The following ANK2 variants were observed in gnomAD, a reference collection of about 807,000 sequenced individuals.
ANK2 encodes the protein ankyrin-2.
A neutral mutation model predicts 360.5 loss-of-function variants in ANK2; 83 were observed. That is an observed-to-expected ratio of 0.23 (90% confidence interval 0.19 to 0.28). ANK2 has a LOEUF of 0.28. Ranked by LOEUF, ANK2 falls within the 10% of genes least tolerant of loss-of-function variation. The pLI, the probability that ANK2 is intolerant of heterozygous loss-of-function variation, is 1.00. For missense variants in ANK2, 4,201 were observed against 4,795.7 expected, an observed-to-expected ratio of 0.88 and a Z score of 3.66; for synonymous variants, 1,740 against 1,759.5, an observed-to-expected ratio of 0.99 and a Z score of 0.28.
Position 113,287,635 on chromosome 4 carries a change from C to G in ANK2, c.2110C>G (p.Gln704Glu), listed in dbSNP as rs139197937. 37 of 1,613,224 alleles carry G rather than the reference C, an allele frequency of 2.3e-5. No individual in the cohort carries two copies. The African/African-American group carries it at 4.8e-4, about 21-fold the overall frequency. ...ACTCACATCCTTACACCTTGCAGCC[C>G]AGGAAGATAAAGTGAATGTTGCTGA... Reference protein sequence around the residue: ...SGLTSLHLAAQEDKVNVADIL... With the variant: ...SGLTSLHLAAEEDKVNVADIL... Residue 704 changes from glutamine to glutamate, a missense_variant, in exon 19 of 46, where the codon CAG (glutamine) becomes GAG (glutamate). Physicochemically the swap from Gln to Glu is conservative, Grantham distance 29. Around this residue, in one of 4 missense-constraint regions of ANK2, gnomAD observed 1,268 missense variants for 1,650.8 expected, o/e 0.77. Coordinates refer to ENST00000357077, the MANE Select transcript of ANK2 (RefSeq NM_001148.6).
chr4:113,181,794 C>A (rs906421466), intron 2 of ANK2, among the ~76,000 whole-genome samples: 5 of 152,056 alleles, frequency 3.3e-5, no homozygotes, highest in African/African-American at 1.2e-4. Context: ...AGGAAGCAAG[C>A]CTGCCTGGAG....
At chr4:113,252,994 G>A (rs980184244) in intron 10 of ANK2, among the ~76,000 whole-genome samples, 1 of 152,092 alleles carries the variant, frequency 6.6e-6, no homozygotes, top group Non-Finnish European at 1.5e-5. Context: ...AACTTATGTA[G>A]ACTTCTTTCC....
the ANK2 span, among the ~76,000 whole-genome samples, chr4:112,740,956 C>T: frequency 3.3e-5 from 5 of 151,916 alleles, no homozygotes; most frequent in East Asian, 7.8e-4. Context: ...CATCACTGCA[C>T]TCCAGCCTGG....
At chr4:113,019,542 A>G (rs1400610925) in intron 2 of ANK2, among the ~76,000 whole-genome samples, 1 of 152,220 alleles carries the variant, frequency 6.6e-6, no homozygotes, top group Admixed American at 6.5e-5. Context: ...TAGTTTTTAG[A>G]TATTTTTGAA....
At chr4:112,930,124 T>C (rs2093024562) in intron 2 of ANK2, among the ~76,000 whole-genome samples, 1 of 152,118 alleles carries the variant, frequency 6.6e-6, no homozygotes, top group South Asian at 2.1e-4. Flanking sequence ...TCCCTTTTTT[T>C]TTTTAACAGC....
chr4:113,127,421 G>T lies in ANK2; in HGVS notation c.85-46995G>T, dbSNP rs113046465. On this transcript the variant is annotated intron_variant, in intron 1 of 45. Coordinates refer to ENST00000357077, the MANE Select transcript of ANK2 (RefSeq NM_001148.6). ...ATGGCAATGGAAAAATTAGAGTACA[G>T]AGCTAGATTAGGTATCATAACTTTT... Among the ~76,000 whole-genome samples, 79 of 151,718 alleles carry T rather than the reference G, an allele frequency of 5.2e-4. 1 individual carries two copies. The highest frequency in any genetic ancestry group is 1.8e-3 in the African/African-American group (73 of 41,416).
chr4:113,288,107 G>A (rs188806730), intron 19 of ANK2, among the ~76,000 whole-genome samples: 3 of 152,206 alleles, frequency 2.0e-5, no homozygotes. Flanking sequence ...CATGTTTCCT[G>A]CATCTCCTAT....
At chr4:113,297,437 A>G (rs1032210512) in intron 22 of ANK2, among the ~76,000 whole-genome samples, 1 of 152,182 alleles carries the variant, frequency 6.6e-6, no homozygotes, top group East Asian at 1.9e-4. Context: ...TTTAAAAAGA[A>G]ATGATAAATG....
At chr4:113,097,417 G>A (rs1176968217) in intron 1 of ANK2, among the ~76,000 whole-genome samples, 5 of 151,976 alleles carry the variant, frequency 3.3e-5, no homozygotes, top group Admixed American at 1.3e-4. Context: ...ATTTGGCTGC[G>A]TTGAGCTATT....
At chr4:112,754,494 G>C in the ANK2 span, among the ~76,000 whole-genome samples, 1 of 132,330 alleles carries the variant, frequency 7.6e-6, no homozygotes, top group South Asian at 2.6e-4. Context: ...TTTGTTGTTT[G>C]TATTGTTATG....
intron 4 of ANK2, among the ~76,000 whole-genome samples, chr4:113,204,006 C>CA (rs1038651815): frequency 2.0e-5 from 3 of 151,874 alleles, no homozygotes; most frequent in African/African-American, 4.8e-5. Context: ...GCAAAATGTT[C>CA]AAAAAATGAA....
At chr4:112,730,679 G>T in the ANK2 span, among the ~76,000 whole-genome samples, 1 of 142,670 alleles carries the variant, frequency 7.0e-6, no homozygotes, top group African/African-American at 2.6e-5. Context: ...AAAATTACTA[G>T]AAAAGTAGAT....
At chr4:113,294,551 A>G (rs2069942566) in intron 22 of ANK2, among the ~76,000 whole-genome samples, 1 of 152,190 alleles carries the variant, frequency 6.6e-6, no homozygotes, top group African/African-American at 2.4e-5. Context: ...AAAAGAAAGG[A>G]ATTTTGTTCT....
chr4:113,241,402 A>G (rs1042186971), intron 8 of ANK2, among the ~76,000 whole-genome samples: 1 of 152,172 alleles, frequency 6.6e-6, no homozygotes, highest in African/African-American at 2.4e-5. Context: ...CAGGGGCATG[A>G]TCATGGCTCA....
At chr4:112,706,925 TC>T in the ANK2 span, 1 of 152,224 alleles carries the variant, frequency 6.6e-6, no homozygotes, top group Non-Finnish European at 1.5e-5. Flanking sequence ...AAGGGAGTAC[TC>T]CATCTGGTTG....
At chr4:113,374,952 G>C in intron 45 of ANK2, 2 of 1,124,808 alleles carry the variant, frequency 1.8e-6, no homozygotes, top group Non-Finnish European at 2.2e-6. Flanking sequence ...AAGAGGTATA[G>C]AAGCATCATC....
intron 14 of ANK2, among the ~76,000 whole-genome samples, 169 bp from the exon 15 acceptor site, chr4:113,274,283 C>T (rs2059491266): frequency 6.6e-6 from 1 of 152,196 alleles, no homozygotes; most frequent in Non-Finnish European, 1.5e-5. Flanking sequence ...CCAACAGGGT[C>T]ACTGCTGTAG....
At chr4:113,009,439 C>T (rs2053997420) in intron 2 of ANK2, among the ~76,000 whole-genome samples, 2 of 152,100 alleles carry the variant, frequency 1.3e-5, no homozygotes, top group Non-Finnish European at 2.9e-5. Context: ...AATCTGAAAA[C>T]ATACATTAAG....
At chr4:112,954,779 A>G (rs2095252920) in intron 2 of ANK2, among the ~76,000 whole-genome samples, 1 of 152,216 alleles carries the variant, frequency 6.6e-6, no homozygotes, top group Non-Finnish European at 1.5e-5. Flanking sequence ...ATTTTGTAGT[A>G]ATCATCATAC....
Sources: gnomAD v4.1 joint callset for allele counts (sites outside exome capture counted in the v4.1 genomes callset) on GRCh38, gnomAD v4.1.1 for gene constraint, gnomAD v4.1.1 regional missense constraint, MANE v1.5 for transcripts, NCBI Gene and HGNC (gene_info 2026-07-23, HGNC 2026-07-21) for gene names.